Variants in MDGA2 observed in about 807,000 individuals in gnomAD.
The protein encoded by MDGA2 is MAM domain-containing glycosylphosphatidylinositol anchor protein 2.
In MDGA2, 40 loss-of-function variants were observed where a neutral mutation model predicts 117.8. The observed-to-expected ratio is 0.34, with a 90% CI of 0.26 to 0.44. MDGA2 has a LOEUF of 0.44. Among genes scored for constraint, MDGA2 ranks in the 20% least tolerant of loss-of-function variants. The pLI, the probability that MDGA2 is intolerant of heterozygous loss-of-function variation, is 1.00. For synonymous variants in MDGA2, 452 were observed against 439.0 expected (o/e 1.03, Z -0.37); for missense variants, 1,123 against 1,250.6 (o/e 0.90, Z 1.54).
intron 1 of MDGA2, among the ~76,000 whole-genome samples, chr14:47,336,887 G>C (rs1318599922): frequency 6.6e-6 from 1 of 151,814 alleles, no homozygotes; most frequent in Non-Finnish European, 1.5e-5. Flanking sequence ...ACAGTACCCA[G>C]CACAGTGCCC....
intron 1 of MDGA2, among the ~76,000 whole-genome samples, chr14:47,624,977 T>C (rs368685175): frequency 3.0e-4 from 46 of 152,294 alleles, no homozygotes; most frequent in African/African-American, 1.1e-3. Flanking sequence ...TACTATTCAC[T>C]TGACATCTAA....
intron 9 of MDGA2, 41 bp from the exon 10 acceptor site, chr14:46,920,201 T>C (rs753382709): frequency 1.3e-6 from 2 of 1,586,102 alleles, no homozygotes; most frequent in South Asian, 1.2e-5. Flanking sequence ...TGATGACATA[T>C]TGTAGTGTAA....
At chr14:47,161,998 T>C (rs2139279592) in intron 3 of MDGA2, among the ~76,000 whole-genome samples, 1 of 119,984 alleles carries the variant, frequency 8.3e-6, no homozygotes, top group African/African-American at 3.2e-5. Context: ...CAGGCTGGAG[T>C]GCAATGGCAC....
chr14:47,000,212 T>A (rs1887453116), intron 8 of MDGA2, among the ~76,000 whole-genome samples: 1 of 149,996 alleles, frequency 6.7e-6, no homozygotes, highest in Non-Finnish European at 1.5e-5. Flanking sequence ...CATAATTATA[T>A]CTATTTAATA....
chr14:46,905,483 T>G (rs914634063), intron 10 of MDGA2, among the ~76,000 whole-genome samples: 1 of 152,154 alleles, frequency 6.6e-6, no homozygotes, highest in African/African-American at 2.4e-5. Flanking sequence ...TTGATACCAA[T>G]TTGTGGTATT....
intron 1 of MDGA2, among the ~76,000 whole-genome samples, chr14:47,639,852 A>G (rs924589880): frequency 2.0e-5 from 3 of 152,126 alleles, no homozygotes; most frequent in Non-Finnish European, 4.4e-5. Flanking sequence ...TCAAATATCT[A>G]TATAGCTTAA....
intron 1 of MDGA2, among the ~76,000 whole-genome samples, chr14:47,506,494 T>C (rs1161950937): frequency 1.3e-5 from 2 of 152,198 alleles, no homozygotes; most frequent in Non-Finnish European, 2.9e-5. Flanking sequence ...TTCTCTCTCT[T>C]TTCCTTTATA....
intron 2 of MDGA2, among the ~76,000 whole-genome samples, chr14:47,296,383 C>A (rs1205449554): frequency 6.6e-6 from 1 of 152,100 alleles, no homozygotes; most frequent in Non-Finnish European, 1.5e-5. Context: ...CTGGGAGGTG[C>A]AATTGGCAAC....
At chr14:46,923,339 G>A (rs917015375) in intron 9 of MDGA2, among the ~76,000 whole-genome samples, 1 of 151,998 alleles carries the variant, frequency 6.6e-6, no homozygotes, top group Non-Finnish European at 1.5e-5. Flanking sequence ...ATACTTTAGA[G>A]ATTATTTCAA....
chr14:47,481,167 C>T (rs1278418016), intron 1 of MDGA2, among the ~76,000 whole-genome samples: 1 of 151,958 alleles, frequency 6.6e-6, no homozygotes, highest in African/African-American at 2.4e-5. Context: ...CCTTATTCCT[C>T]CTACTCTTTT....
intron 1 of MDGA2, among the ~76,000 whole-genome samples, chr14:47,549,024 T>G (rs1385521010): frequency 6.6e-6 from 1 of 152,118 alleles, no homozygotes; most frequent in Non-Finnish European, 1.5e-5. Context: ...AACTTGTGAA[T>G]GGGGCTTTTT....
chr14:47,443,049 A>G (rs1265128552), intron 1 of MDGA2, among the ~76,000 whole-genome samples: 2 of 152,110 alleles, frequency 1.3e-5, no homozygotes, highest in African/African-American at 4.8e-5. Context: ...AAAAATAGTG[A>G]CGCTAGCAAT....
At chr14:47,315,574 T>C (rs896757874) in intron 1 of MDGA2, among the ~76,000 whole-genome samples, 6 of 151,444 alleles carry the variant, frequency 4.0e-5, no homozygotes, top group Non-Finnish European at 8.9e-5. Flanking sequence ...CCCACATTCC[T>C]TAATGAAACT....
intron 3 of MDGA2, among the ~76,000 whole-genome samples, chr14:47,203,346 A>G (rs987728453): frequency 6.6e-6 from 1 of 151,856 alleles, no homozygotes; most frequent in Non-Finnish European, 1.5e-5. Flanking sequence ...ACAGATGGGG[A>G]AAGAGATTTG....
At chr14:47,476,238 G>A (rs1429671897) in intron 1 of MDGA2, among the ~76,000 whole-genome samples, 2 of 152,042 alleles carry the variant, frequency 1.3e-5, no homozygotes, top group Non-Finnish European at 2.9e-5. Flanking sequence ...CACTTGCTAG[G>A]AGTATAAAAT....
chr14:47,498,062 T>C (rs2138667294), intron 1 of MDGA2, among the ~76,000 whole-genome samples: 1 of 152,308 alleles, frequency 6.6e-6, no homozygotes, highest in East Asian at 1.9e-4. Context: ...AAGGATTAGG[T>C]ATAATACTCT....
At chr14:46,947,970 C>T (rs1423912018) in intron 9 of MDGA2, among the ~76,000 whole-genome samples, 1 of 151,766 alleles carries the variant, frequency 6.6e-6, no homozygotes, top group Non-Finnish European at 1.5e-5. Context: ...CTTTACTTAC[C>T]TTTGTGTCCT....
At chr14:47,175,112 C>G (rs1594695713) in intron 3 of MDGA2, among the ~76,000 whole-genome samples, 1 of 151,654 alleles carries the variant, frequency 6.6e-6, no homozygotes, top group Non-Finnish European at 1.5e-5. Context: ...GAAGTTGAAT[C>G]TCTGAATAGA....
At chr14:47,509,997 T>G (rs954867460) in intron 1 of MDGA2, among the ~76,000 whole-genome samples, 4 of 152,208 alleles carry the variant, frequency 2.6e-5, no homozygotes, top group Admixed American at 2.0e-4. Context: ...GAACATGAAT[T>G]TTGGGGGGAC....
Sources: allele counts gnomAD v4.1 joint callset (sites outside exome capture counted in the v4.1 genomes callset), GRCh38; gene constraint gnomAD v4.1.1; transcripts MANE v1.5; gene names NCBI Gene and HGNC (gene_info 2026-07-23, HGNC 2026-07-21).